Variants in ROBO2 observed in about 807,000 individuals in gnomAD.
ROBO2 encodes the protein roundabout guidance receptor 2, also known as roundabout homolog 2.
ROBO2 carries 53 observed loss-of-function variants against 160.8 expected under a neutral mutation model. The ratio of observed to expected loss-of-function variants is 0.33; its 90% CI spans 0.26 to 0.41. The LOEUF is 0.41. Among genes scored for constraint, ROBO2 ranks in the 10% least tolerant of loss-of-function variants. ROBO2 has a pLI of 1.00. For synonymous variants in ROBO2, 664 were observed against 611.7 expected (o/e 1.09, Z -1.26); for missense variants, 1,577 against 1,722.4 (o/e 0.92, Z 1.49).
chr3:76,950,703 G>A (rs1484301857), intron 2 of ROBO2, among the ~76,000 whole-genome samples: 1 of 152,000 alleles, frequency 6.6e-6, no homozygotes, highest in Non-Finnish European at 1.5e-5. Flanking sequence ...TCTAGAGTGT[G>A]CTTGCTTTTC....
At chr3:77,286,394 C>T (rs2060602699) in intron 2 of ROBO2, among the ~76,000 whole-genome samples, 1 of 151,128 alleles carries the variant, frequency 6.6e-6, no homozygotes, top group East Asian at 2.0e-4. Context: ...GTAGCTGGGA[C>T]TACAGGCACA....
intron 2 of ROBO2, among the ~76,000 whole-genome samples, chr3:76,911,645 C>T (rs1236133912): frequency 2.6e-5 from 4 of 152,320 alleles, no homozygotes; most frequent in East Asian, 3.9e-4. Context: ...TTCTCAGATA[C>T]ATGCTATTAC....
At chr3:77,172,526 T>C (rs1311642510) in intron 2 of ROBO2, among the ~76,000 whole-genome samples, 2 of 152,186 alleles carry the variant, frequency 1.3e-5, no homozygotes, top group African/African-American at 4.8e-5. Context: ...TTTTAGTATT[T>C]TTTCCATTTG....
intron 2 of ROBO2, among the ~76,000 whole-genome samples, chr3:76,325,743 G>A (rs2072963426): frequency 6.6e-6 from 1 of 151,688 alleles, no homozygotes; most frequent in Non-Finnish European, 1.5e-5. Context: ...ACCCTGTTTT[G>A]ATATTGTTAA....
chr3:76,794,953 T>C (rs2063592096), intron 2 of ROBO2, among the ~76,000 whole-genome samples: 1 of 152,048 alleles, frequency 6.6e-6, no homozygotes, highest in Non-Finnish European at 1.5e-5. Flanking sequence ...CTCAGAGATA[T>C]TGCACATTCA....
intron 19 of ROBO2, among the ~76,000 whole-genome samples, chr3:77,598,487 GTATA>G (rs369073693): frequency 1.5e-5 from 2 of 136,936 alleles, no homozygotes; most frequent in Non-Finnish European, 3.1e-5. Flanking sequence ...TATATAGTGT[GTATA>G]TATATATATA....
At chr3:76,294,252 G>C (rs1257615726) in intron 2 of ROBO2, among the ~76,000 whole-genome samples, 1 of 152,146 alleles carries the variant, frequency 6.6e-6, no homozygotes, top group Non-Finnish European at 1.5e-5. Flanking sequence ...TGCAGCTGTG[G>C]CTGGGCAGCT....
At chr3:77,358,703 T>C (rs1267319494) in intron 2 of ROBO2, among the ~76,000 whole-genome samples, 1 of 152,244 alleles carries the variant, frequency 6.6e-6, no homozygotes, top group African/African-American at 2.4e-5. Context: ...TAGCAATTTG[T>C]ATTATGTACT....
chr3:76,371,617 A>G (rs1043600467), intron 2 of ROBO2, among the ~76,000 whole-genome samples: 1 of 151,974 alleles, frequency 6.6e-6, no homozygotes, highest in African/African-American at 2.4e-5. Context: ...TGTTTACTCT[A>G]GTATTTGAAT....
At chr3:76,844,751 G>T (rs1337742579) in intron 2 of ROBO2, among the ~76,000 whole-genome samples, 1 of 151,788 alleles carries the variant, frequency 6.6e-6, no homozygotes, top group Non-Finnish European at 1.5e-5. Context: ...CAATCTAGAG[G>T]TTTGCCTTTT....
At chr3:77,020,267 T>C (rs1417558342) in intron 2 of ROBO2, among the ~76,000 whole-genome samples, 2 of 152,138 alleles carry the variant, frequency 1.3e-5, no homozygotes, top group African/African-American at 4.8e-5. Context: ...CAGTAAAAAC[T>C]CAGCACTGAA....
chr3:77,130,860 A>G (rs888756106), intron 2 of ROBO2, among the ~76,000 whole-genome samples: 1 of 152,158 alleles, frequency 6.6e-6, no homozygotes, highest in African/African-American at 2.4e-5. Flanking sequence ...AACATATATG[A>G]TTTTCCATCA....
At chr3:76,566,708 T>C (rs1057306254) in intron 2 of ROBO2, among the ~76,000 whole-genome samples, 5 of 150,746 alleles carry the variant, frequency 3.3e-5, no homozygotes, top group African/African-American at 1.2e-4. Context: ...ATCATTGCCA[T>C]AGAGTGAGGG....
At chr3:76,096,164 G>A (rs927620098) in intron 2 of ROBO2, among the ~76,000 whole-genome samples, 1 of 152,020 alleles carries the variant, frequency 6.6e-6, no homozygotes, top group South Asian at 2.1e-4. Flanking sequence ...GTGATTCTGG[G>A]CCATCTTCCA....
chr3:77,123,841 T>G (rs1340735805), intron 2 of ROBO2, among the ~76,000 whole-genome samples: 1 of 149,408 alleles, frequency 6.7e-6, no homozygotes, highest in Non-Finnish European at 1.5e-5. Context: ...CATAGATATA[T>G]AATCTATCTA....
At chr3:76,546,132 A>G (rs1578051157) in intron 2 of ROBO2, among the ~76,000 whole-genome samples, 2 of 151,870 alleles carry the variant, frequency 1.3e-5, no homozygotes, top group East Asian at 3.9e-4. Flanking sequence ...AAGTAGACAT[A>G]TTTTTCAAGA....
intron 2 of ROBO2, among the ~76,000 whole-genome samples, chr3:76,561,653 C>CAA (rs935362392): frequency 6.6e-6 from 1 of 152,146 alleles, no homozygotes; most frequent in African/African-American, 2.4e-5. Context: ...GTACTTAGCT[C>CAA]AGAGGATAAA....
At chr3:77,248,595 C>G in intron 2 of ROBO2, among the ~76,000 whole-genome samples, 1 of 152,142 alleles carries the variant, frequency 6.6e-6, no homozygotes, top group Non-Finnish European at 1.5e-5. Flanking sequence ...CAAAGGTGCT[C>G]ACCCCAGCTC....
At chr3:77,180,196 G>C (rs1241157467) in intron 2 of ROBO2, among the ~76,000 whole-genome samples, 1 of 151,790 alleles carries the variant, frequency 6.6e-6, no homozygotes, top group African/African-American at 2.4e-5. Context: ...AGAGGAAATA[G>C]AACAGGGAAG....
Sources: gnomAD v4.1 joint callset for allele counts (sites outside exome capture counted in the v4.1 genomes callset) on GRCh38, gnomAD v4.1.1 for gene constraint, MANE v1.5 for transcripts, NCBI Gene and HGNC (gene_info 2026-07-23, HGNC 2026-07-21) for gene names.